TRPM8: variants seen among roughly 807,000 people sequenced by gnomAD.
The protein encoded by TRPM8 is TRPM8 cationic channel.
A neutral mutation model predicts 133.7 loss-of-function variants in TRPM8; 110 were observed. That is an observed-to-expected ratio of 0.82 (90% confidence interval 0.70 to 0.96). The LOEUF (loss-of-function observed/expected upper bound fraction) is 0.96, where lower values mean the gene tolerates loss of function less well. TRPM8 is among the 40% of genes least tolerant of loss of function. The pLI is 0.00. For synonymous variants in TRPM8, 535 were observed against 532.3 expected (o/e 1.01, Z -0.07); for missense variants, 1,291 against 1,379.5 (o/e 0.94, Z 1.02).
chr2:233,929,872 A>T (rs1691646764), intron 2 of TRPM8: 1 of 152,186 alleles, frequency 6.6e-6, no homozygotes, highest in East Asian at 1.9e-4. Flanking sequence ...TGGGTGTGAA[A>T]TGGGATCTCA....
intron 1 of TRPM8, among the ~76,000 whole-genome samples, chr2:233,925,951 G>A (rs1050832268): frequency 4.6e-5 from 7 of 152,018 alleles, no homozygotes; most frequent in Non-Finnish European, 8.8e-5. Flanking sequence ...GCAATGCCCA[G>A]GCTAGCAGCC....
intron 15 of TRPM8, among the ~76,000 whole-genome samples, chr2:233,967,761 G>A (rs1684575968): frequency 6.6e-6 from 1 of 152,192 alleles, no homozygotes; most frequent in Admixed American, 6.5e-5. Flanking sequence ...CTCTGCTGCA[G>A]TGTAGTGGGT....
chr2:233,955,352 T>A, intron 11 of TRPM8, 102 bp downstream of exon 11: 1 of 812,756 alleles, frequency 1.2e-6, no homozygotes, highest in Non-Finnish European at 2.1e-6. Context: ...CCAAATCTCT[T>A]AAAGGATTGT....
At chr2:233,975,148 T>C (rs1691835782) in intron 17 of TRPM8, among the ~76,000 whole-genome samples, 2 of 151,058 alleles carry the variant, frequency 1.3e-5, no homozygotes, top group South Asian at 4.2e-4. Context: ...GGCATGGGAA[T>C]GATTTGATTT....
chr2:234,006,603 C>G (rs892966700), intron 22 of TRPM8, among the ~76,000 whole-genome samples: 2 of 152,094 alleles, frequency 1.3e-5, no homozygotes, highest in Non-Finnish European at 2.9e-5. Context: ...GGATTTAGAT[C>G]GATTATTTAG....
intron 5 of TRPM8, 105 bp from the exon 6 acceptor site, chr2:233,942,471 C>T (rs1690933606): frequency 1.8e-6 from 2 of 1,107,014 alleles, no homozygotes; most frequent in Non-Finnish European, 1.4e-6. Flanking sequence ...AGTGCTGTGT[C>T]CTGATGCCTA....
At chr2:233,946,350 A>G in intron 7 of TRPM8, 1 of 225,022 alleles carries the variant, frequency 4.4e-6, no homozygotes, top group Non-Finnish European at 8.8e-6. Flanking sequence ...CTACAATGAC[A>G]AATATGAGTT....
intron 20 of TRPM8, among the ~76,000 whole-genome samples, chr2:233,984,329 C>G (rs73120778): frequency 6.6e-6 from 1 of 152,054 alleles, no homozygotes; most frequent in Non-Finnish European, 1.5e-5. Flanking sequence ...ACGTTTGTAC[C>G]CACTGCCCCC....
intron 1 of TRPM8, among the ~76,000 whole-genome samples, chr2:233,925,207 T>C (rs1299600942): frequency 6.6e-6 from 1 of 152,210 alleles, no homozygotes; most frequent in African/African-American, 2.4e-5. Flanking sequence ...GAGTATTGAT[T>C]CAATCAAACT....
chr2:233,963,908 A>T (rs145798315), intron 13 of TRPM8, among the ~76,000 whole-genome samples: 21 of 152,254 alleles, frequency 1.4e-4, no homozygotes, highest in African/African-American at 4.8e-4. Flanking sequence ...GCCCCACTCA[A>T]CCTTTGAGCT....
intron 5 of TRPM8, 62 bp from the exon 6 acceptor site, chr2:233,942,514 A>G: frequency 6.4e-7 from 1 of 1,563,906 alleles, no homozygotes. Flanking sequence ...GGGGTCTGTG[A>G]GCCCAGAATG....
intron 21 of TRPM8, among the ~76,000 whole-genome samples, chr2:233,993,707 T>C (rs1418111208): frequency 4.6e-5 from 7 of 152,212 alleles, no homozygotes; most frequent in Admixed American, 4.6e-4. Flanking sequence ...ACTTGGACTC[T>C]TGTGGGCTGC....
intron 22 of TRPM8, among the ~76,000 whole-genome samples, chr2:233,997,853 AC>A (rs1692449081): frequency 6.6e-6 from 1 of 151,942 alleles, no homozygotes; most frequent in African/African-American, 2.4e-5. Context: ...ACCACTCCCT[AC>A]CCCTGAAGTG....
intron 17 of TRPM8, among the ~76,000 whole-genome samples, chr2:233,971,311 A>G (rs1691709044): frequency 6.6e-6 from 1 of 152,192 alleles, no homozygotes; most frequent in Non-Finnish European, 1.5e-5. Flanking sequence ...AAGTTGGCTT[A>G]AAGTTTCATG....
chr2:233,941,763 C>T (rs550842153), intron 5 of TRPM8, among the ~76,000 whole-genome samples: 6 of 152,136 alleles, frequency 3.9e-5, no homozygotes, highest in Non-Finnish European at 8.8e-5. Flanking sequence ...CCCTGTATAA[C>T]CCTTAGCATT....
rs574600121 is a variant in TRPM8 at position 233,932,416 on chromosome 2, G to A, written c.191+1675G>A. ...CTCTTAATGGTCTTGCTTGGAGCAT[G>A]TGCCTATCTCTAAACTAATCCCTGG... On this transcript the variant is annotated intron_variant, in intron 3 of 25. Coordinates refer to ENST00000324695, the MANE Select transcript of TRPM8 (RefSeq NM_024080.5). Among the ~76,000 whole-genome samples the A allele has an allele frequency of 1.1e-3, 161 of 152,294 alleles. 1 individual carries two copies. Among genetic ancestry groups the A allele is most frequent in the African/African-American group, 3.7e-3 (152 of 41,554 alleles).
intron 11 of TRPM8, among the ~76,000 whole-genome samples, chr2:233,959,186 C>T (rs1437276246): frequency 6.6e-6 from 1 of 151,890 alleles, no homozygotes; most frequent in East Asian, 1.9e-4. Flanking sequence ...CCACCACGCC[C>T]AGCTAATTTT....
chr2:233,960,693 C>T lies in TRPM8; in HGVS notation c.1363-83C>T. 5 of 1,047,854 alleles carry T rather than the reference C, an allele frequency of 4.8e-6. 1 individual carries two copies. The South Asian group carries it at 5.9e-5, about 12-fold the overall frequency. The allele number at this position is 1,047,854 out of a possible 1,614,324, so 64.9% of individuals were successfully genotyped here. A position where few individuals can be genotyped will look rare whatever the true frequency, so the allele number is the denominator to read the frequency against. Reference sequence around the variant, plus strand: ...TTACTCTGTGGCTGGAAATACAGTGCTACTGAGGAAGAAAAATGCCTAGTG... The same window carrying T: ...TTACTCTGTGGCTGGAAATACAGTGTTACTGAGGAAGAAAAATGCCTAGTG... On this transcript the variant is annotated intron_variant, in intron 11 of 25. Coordinates refer to ENST00000324695, the MANE Select transcript of TRPM8 (RefSeq NM_024080.5).
rs1412160179 is a variant in TRPM8, at chr2:233,930,594, AT to A, written c.118-71del. The A allele has an allele frequency of 8.0e-6, 8 of 995,720 alleles. No homozygotes were observed. The African/African-American group carries it at 1.1e-4, about 14-fold the overall frequency. The allele number at this position is 995,720 out of a possible 1,614,324, so 61.7% of individuals were successfully genotyped here. A position where few individuals can be genotyped will look rare whatever the true frequency, so the allele number is the denominator to read the frequency against. ...AGCCTTTGAAGTGGGGTTACATCATATTTAGTATTCATCAATATCAGCAAGG... is the reference window on the plus strand; with the variant it reads ...AGCCTTTGAAGTGGGGTTACATCATATTAGTATTCATCAATATCAGCAAGG... On this transcript the variant is annotated intron_variant, in intron 2 of 25. Transcript: ENST00000324695.
Sources: gnomAD v4.1 joint callset for allele counts (sites outside exome capture counted in the v4.1 genomes callset) on GRCh38, gnomAD v4.1.1 for gene constraint, MANE v1.5 for transcripts, NCBI Gene and HGNC (gene_info 2026-07-23, HGNC 2026-07-21) for gene names.